Variants in OR10G8 observed in about 807,000 individuals in gnomAD.
The protein encoded by OR10G8 is olfactory receptor 10G8.
For missense variants in OR10G8, 386 were observed against 384.9 expected (o/e 1.00, Z -0.02); for synonymous variants, 173 against 163.2 (o/e 1.06, Z -0.46).
chr11:124,029,534 C>T lies in OR10G8; in HGVS notation c.-27-62C>T, dbSNP rs574865289. The T allele has an allele frequency of 1.3e-5, 18 of 1,410,780 alleles. No homozygotes were observed. In the Admixed American group the frequency reaches 1.6e-4, roughly 13 times the overall value. 87.4% of individuals were successfully genotyped at this position (1,410,780 alleles called of 1,614,324 possible). A position where few individuals can be genotyped will look rare whatever the true frequency, so the allele number is the denominator to read the frequency against. ...CTACCTGCTTGATGCAGTTTCCACACAGAGAATGGATTCTCATTTCTCAAT... is the reference window on the plus strand; with the variant it reads ...CTACCTGCTTGATGCAGTTTCCACATAGAGAATGGATTCTCATTTCTCAAT... On this transcript the variant is annotated intron_variant, in intron 1 of 1. Coordinates refer to ENST00000641224, the MANE Select transcript of OR10G8 (RefSeq NM_001004464.2).
In OR10G8 at chr11:124,029,903, A is replaced by C. The variant is rs200624991; in HGVS notation, c.281A>C (p.His94Pro). ...VFPSGRAISFHSCMAQLYFFH... is the reference protein window; with the variant it reads ...VFPSGRAISFPSCMAQLYFFH... ...CCAAGTGGCAGGGCTATCTCCTTCC[A>C]CAGCTGCATGGCTCAGCTCTATTTC... Residue 94 changes from histidine (H) to proline (P), a missense_variant, in exon 2 of 2, where the codon CAC (histidine) becomes CCC (proline). His to Pro is a moderately conservative substitution (Grantham distance 77). Transcript: ENST00000641224. 1.2e-6 allele frequency: 2 copies of C among 1,614,086 alleles called. No homozygotes were observed. Among genetic ancestry groups the C allele is most frequent in the South Asian group, 2.2e-5 (2 of 91,068 alleles).
chr11:124,029,410 G>GTGTGTGTA (rs1360693122), intron 1 of OR10G8, among the ~76,000 whole-genome samples, 186 bp from the exon 2 acceptor site: 1 of 152,152 alleles, frequency 6.6e-6, no homozygotes, highest in Non-Finnish European at 1.5e-5. Flanking sequence ...ATGTCTCTGT[G>GTGTGTGTA]TGTGTGTATG....
At chr11:124,028,449 A>C (rs773808509) in intron 1 of OR10G8, among the ~76,000 whole-genome samples, 18 of 152,216 alleles carry the variant, frequency 1.2e-4, no homozygotes, top group Non-Finnish European at 2.2e-4. Flanking sequence ...CAGGCACAAA[A>C]TAGTCCAAGA....
chr11:124,028,810 A>G (rs1267241526), intron 1 of OR10G8, among the ~76,000 whole-genome samples: 4 of 152,162 alleles, frequency 2.6e-5, no homozygotes, highest in Non-Finnish European at 5.9e-5. Context: ...TTTTCCCATG[A>G]GCAAGGAAGC....
Position 124,030,600 on chromosome 11 carries a change from C to A in OR10G8, c.*42C>A. On this transcript the variant is annotated 3_prime_UTR_variant, in exon 2 of 2. Coordinates refer to ENST00000641224, the MANE Select transcript of OR10G8 (RefSeq NM_001004464.2). ...CATATCTTAGCTCTTGTGAATAGTG[C>A]TGTGAAAAACATACAGGGGCAGGTA... 1 of 1,454,164 alleles carries A rather than the reference C, an allele frequency of 6.9e-7. No homozygotes were observed. The highest frequency in any genetic ancestry group is 9.3e-7 in the Non-Finnish European group (1 of 1,078,898). 90.1% of individuals were successfully genotyped at this position (1,454,164 alleles called of 1,614,324 possible). A position where few individuals can be genotyped will look rare whatever the true frequency, so the allele number is the denominator to read the frequency against.
chr11:124,030,111 C>T lies in OR10G8; in HGVS notation c.489C>T (p.Phe163=). 6.2e-7 allele frequency: 1 copy of T among 1,614,042 alleles called. No homozygotes were observed. Among genetic ancestry groups the T allele is most frequent in the South Asian group, 1.1e-5 (1 of 91,072 alleles). The part of the protein sequence containing the change: ...LHSAVQAILT[F]HLPYCGPNWI... ...CTGCTGTCCAGGCCATATTGACTTTCCATTTGCCCTACTGTGGACCCAACT... is the reference window on the plus strand; with the variant it reads ...CTGCTGTCCAGGCCATATTGACTTTTCATTTGCCCTACTGTGGACCCAACT... Residue 163 remains phenylalanine (F), a synonymous_variant, in exon 2 of 2, where the codon TTC becomes TTT. Coordinates refer to ENST00000641224, the MANE Select transcript of OR10G8 (RefSeq NM_001004464.2).
chr11:124,030,081 G>T lies in OR10G8; in HGVS notation c.459G>T (p.Leu153=), dbSNP rs1269801398. The T allele has an allele frequency of 1.2e-6, 2 of 1,613,974 alleles. No individual in the cohort carries two copies. The highest frequency in any genetic ancestry group is 1.7e-6 in the Non-Finnish European group (2 of 1,179,960). Residue 153 remains leucine, a synonymous_variant, in exon 2 of 2, where the codon CTG becomes CTT. Coordinates refer to ENST00000641224, the MANE Select transcript of OR10G8 (RefSeq NM_001004464.2). The part of the protein sequence containing the change: ...LATSTWLSGS[L]HSAVQAILTF... ...CCAGCACTTGGCTCAGTGGCTCTCT[G>T]CACTCTGCTGTCCAGGCCATATTGA...
chr11:124,027,017 A>G (rs1246901458), intron 1 of OR10G8, 150 bp downstream of exon 1: 1 of 152,210 alleles, frequency 6.6e-6, no homozygotes, highest in African/African-American at 2.4e-5. Context: ...TTTTGTATGC[A>G]TCAAGGGAAC....
At position 124,030,031 on chromosome 11, in the gene OR10G8, G is replaced by T; in HGVS notation, c.409G>T (p.Gly137Trp). The change falls in exon 2 of 2, where the codon GGG (glycine) becomes TGG (tryptophan). Residue 137 changes from glycine to tryptophan, a missense_variant. By Grantham distance (184) the Gly-to-Trp change is radical. Coordinates refer to ENST00000641224, the MANE Select transcript of OR10G8 (RefSeq NM_001004464.2). ...YPLRYTSMMT[G>W]RSCTLLATST... is the part of the protein sequence containing the mutation. ...GCTCAGGTACACCAGCATGATGACT[G>T]GGCGCTCGTGTACTCTTCTGGCCAC... 1.9e-6 allele frequency: 3 copies of T among 1,614,134 alleles called. No individual in the cohort carries two copies. The highest frequency in any genetic ancestry group is 2.5e-6 in the Non-Finnish European group (3 of 1,180,010).
chr11:124,027,690 T>A (rs995418337), intron 1 of OR10G8, among the ~76,000 whole-genome samples: 4 of 152,210 alleles, frequency 2.6e-5, no homozygotes, highest in African/African-American at 9.7e-5. Flanking sequence ...AGTAATCTCC[T>A]TTCTGCTATT....
chr11:124,029,538 G>T (rs542377094), intron 1 of OR10G8, 58 bp from the exon 2 acceptor site: 2 of 1,441,422 alleles, frequency 1.4e-6, no homozygotes, highest in African/African-American at 2.8e-5. Flanking sequence ...TCCACACAGA[G>T]AATGGATTCT....
chr11:124,029,544 A>C, intron 1 of OR10G8, 52 bp from the exon 2 acceptor site: 1 of 1,461,030 alleles, frequency 6.8e-7, no homozygotes, highest in Non-Finnish European at 9.4e-7. Context: ...CAGAGAATGG[A>C]TTCTCATTTC....
At position 124,029,610 on chromosome 11, in the gene OR10G8, AG is replaced by A; in HGVS notation, c.-10del. ...TATATTCCCAGAGGGAGAGAGACCA[AG>A]GGTGAGAAGAAATGTCCAACGCCAG... On this transcript the variant is annotated 5_prime_UTR_variant, in exon 2 of 2. Transcript: ENST00000641224. The A allele has an allele frequency of 6.2e-7, 1 of 1,610,652 alleles. No homozygotes were observed. The highest frequency in any genetic ancestry group is 8.5e-7 in the Non-Finnish European group (1 of 1,177,566).
chr11:124,029,681 C>G lies in OR10G8; in HGVS notation c.59C>G (p.Ala20Gly), dbSNP rs141086209. Residue 20 changes from alanine (A) to glycine (G), a missense_variant, in exon 2 of 2, where the codon GCG becomes GGG. Physicochemically the swap from Ala to Gly is moderately conservative, Grantham distance 60. Coordinates refer to ENST00000641224, the MANE Select transcript of OR10G8 (RefSeq NM_001004464.2). ...FILMGLPHAP[A>G]LDAPLFGVFL... Reference sequence around the variant, plus strand: ...CTCATGGGCCTTCCCCATGCCCCAGCGCTGGACGCCCCCCTCTTTGGAGTC... The same window carrying G: ...CTCATGGGCCTTCCCCATGCCCCAGGGCTGGACGCCCCCCTCTTTGGAGTC... The G allele has an allele frequency of 1.7e-5, 28 of 1,613,734 alleles. No homozygotes were observed. The highest frequency in any genetic ancestry group is 1.2e-4 in the Admixed American group (7 of 59,982).
In OR10G8 at chr11:124,029,690, C is replaced by T. The variant is rs767742615; in HGVS notation, c.68C>T (p.Ala23Val). 15 of 1,613,924 alleles carry T rather than the reference C, an allele frequency of 9.3e-6. No individual in the cohort carries two copies. The highest frequency in any genetic ancestry group is 1.3e-5 in the Non-Finnish European group (15 of 1,179,852). ...MGLPHAPALD[A>V]PLFGVFLVVY... ...CTTCCCCATGCCCCAGCGCTGGACGCCCCCCTCTTTGGAGTCTTCCTGGTG... is the reference window on the plus strand; with the variant it reads ...CTTCCCCATGCCCCAGCGCTGGACGTCCCCCTCTTTGGAGTCTTCCTGGTG... Residue 23 changes from alanine to valine, a missense_variant, in exon 2 of 2, where the codon GCC (alanine) becomes GTC (valine). By Grantham distance (64) the Ala-to-Val change is moderately conservative. Coordinates refer to ENST00000641224, the MANE Select transcript of OR10G8 (RefSeq NM_001004464.2).
At chr11:124,027,644 T>C (rs939840930) in intron 1 of OR10G8, among the ~76,000 whole-genome samples, 6 of 152,226 alleles carry the variant, frequency 3.9e-5, no homozygotes, top group Non-Finnish European at 7.3e-5. Flanking sequence ...ATCTTGGTTC[T>C]ATTTTAAAAG....
Position 124,030,177 on chromosome 11 carries a change from A to C in OR10G8, c.555A>C (p.Lys185Asn), listed in dbSNP as rs150941212. 6.2e-7 allele frequency: 1 copy of C among 1,613,888 alleles called. No homozygotes were observed. Among genetic ancestry groups the C allele is most frequent in the African/African-American group, 1.3e-5 (1 of 74,906 alleles). The change falls in exon 2 of 2, where the codon AAA becomes AAC. Residue 185 changes from lysine (K) to asparagine (N), a missense_variant. Coordinates refer to ENST00000641224, the MANE Select transcript of OR10G8 (RefSeq NM_001004464.2). ...TGTGTGATGCACCGCCCATCCTGAA[A>C]CTGGCCTGTGCAGACACCTCAGCCA... is the stretch of plus-strand genomic sequence containing the variant. ...HYLCDAPPIL[K>N]LACADTSAIE...
chr11:124,030,066 G>T lies in OR10G8; in HGVS notation c.444G>T (p.Trp148Cys), dbSNP rs148656754. The T allele has an allele frequency of 6.2e-7, 1 of 1,613,930 alleles. No homozygotes were observed. The highest frequency in any genetic ancestry group is 1.3e-5 in the African/African-American group (1 of 74,892). Residue 148 changes from tryptophan (W) to cysteine (C), a missense_variant, in exon 2 of 2, where the codon TGG (tryptophan) becomes TGT (cysteine). By Grantham distance (215) the Trp-to-Cys change is radical. Coordinates refer to ENST00000641224, the MANE Select transcript of OR10G8 (RefSeq NM_001004464.2). ...RSCTLLATST[W>C]LSGSLHSAVQ... ...GTACTCTTCTGGCCACCAGCACTTGGCTCAGTGGCTCTCTGCACTCTGCTG... is the reference window on the plus strand; with the variant it reads ...GTACTCTTCTGGCCACCAGCACTTGTCTCAGTGGCTCTCTGCACTCTGCTG...
intron 1 of OR10G8, among the ~76,000 whole-genome samples, chr11:124,027,693 C>T (rs1316544214): frequency 6.6e-6 from 1 of 152,134 alleles, no homozygotes; most frequent in Non-Finnish European, 1.5e-5. Context: ...AATCTCCTTT[C>T]TGCTATTTAT....
Sources: allele counts gnomAD v4.1 joint callset (sites outside exome capture counted in the v4.1 genomes callset), GRCh38; gene constraint gnomAD v4.1.1; transcripts MANE v1.5; gene names NCBI Gene and HGNC (gene_info 2026-07-23, HGNC 2026-07-21).